SMYD5: variants seen among roughly 807,000 people sequenced by gnomAD.
SMYD5 encodes SMYD family member 5.
Under a neutral mutation model 57.4 loss-of-function variants are expected in SMYD5, and 35 were observed. The ratio of observed to expected loss-of-function variants is 0.61; its 90% CI spans 0.47 to 0.81. The LOEUF is 0.81. SMYD5 is among the 30% of genes least tolerant of loss of function. SMYD5 has a pLI of 0.00. For missense variants in SMYD5, 471 were observed against 527.9 expected, an observed-to-expected ratio of 0.89 and a Z score of 1.06; for synonymous variants, 198 against 189.7, an observed-to-expected ratio of 1.04 and a Z score of -0.36.
At chr2:73,214,468 C>G (rs1686253388) in intron 1 of SMYD5, 106 bp downstream of exon 1, 1 of 1,562,696 alleles carries the variant, frequency 6.4e-7, no homozygotes, top group Non-Finnish European at 8.6e-7. Context: ...GCCGCTCGGA[C>G]GCTACGGCCC....
intron 9 of SMYD5, 50 bp from the exon 10 acceptor site, chr2:73,223,896 TC>T: frequency 1.3e-6 from 2 of 1,569,292 alleles, no homozygotes; most frequent in Non-Finnish European, 1.8e-6. Flanking sequence ...CGTTTCCTTT[TC>T]CTGCCTTTAA....
chr2:73,214,629 T>C, intron 1 of SMYD5: 2 of 1,504,166 alleles, frequency 1.3e-6, no homozygotes, highest in South Asian at 1.2e-5. Context: ...CTGTGGCTGC[T>C]CGGGGCGGGG....
chr2:73,217,950 A>G (rs1686319159), intron 1 of SMYD5, among the ~76,000 whole-genome samples: 1 of 152,160 alleles, frequency 6.6e-6, no homozygotes. Flanking sequence ...TGATGTATAT[A>G]GTGTTTTAGA....
At chr2:73,224,377 C>T (rs552571765) in intron 10 of SMYD5, among the ~76,000 whole-genome samples, 1 of 152,226 alleles carries the variant, frequency 6.6e-6, no homozygotes, top group African/African-American at 2.4e-5. Flanking sequence ...TCATCAGCAC[C>T]TGATGAGAAG....
At chr2:73,216,956 TTC>T (rs1459810739) in intron 1 of SMYD5, among the ~76,000 whole-genome samples, 3 of 135,886 alleles carry the variant, frequency 2.2e-5, no homozygotes, top group African/African-American at 8.6e-5. Flanking sequence ...CTCTCCAACC[TTC>T]TTTTTTTTTT....
rs749998987 is a variant in SMYD5 at position 73,222,778 on chromosome 2, A to G, written c.666A>G (p.Arg222=). 6.2e-7 allele frequency: 1 copy of G among 1,613,156 alleles called. No individual in the cohort carries two copies. The highest frequency in any genetic ancestry group is 1.1e-5 in the South Asian group (1 of 90,862). The change falls in exon 7 of 13, where the codon AGA becomes AGG. Residue 222 remains arginine (R), a synonymous_variant. Transcript: ENST00000389501. ...AGGGCCAACTGGAACTTCTGCGGAG[A>G]CTCTTCACAGAGGCCCTCTATGAGG... is the stretch of plus-strand genomic sequence containing the variant. ...KFKGQLELLR[R]LFTEALYEEA...
chr2:73,223,541 GAT>G lies in SMYD5; in HGVS notation c.883+11_883+12del, dbSNP rs1686440169. On this transcript the variant is annotated intron_variant, in intron 9 of 12. Transcript: ENST00000389501. ...CAAGGACATCGAGGCAGGTTGGTGAGATAGGGCCTTGGCCTCACCCAGCCATG... is the reference window on the plus strand; with the variant it reads ...CAAGGACATCGAGGCAGGTTGGTGAGAGGGCCTTGGCCTCACCCAGCCATG... 3 of 1,597,084 alleles carry G rather than the reference GAT, an allele frequency of 1.9e-6. No homozygotes were observed. The East Asian group carries it at 6.7e-5, about 36-fold the overall frequency.
chr2:73,218,587 C>G (rs1387770760), intron 1 of SMYD5, among the ~76,000 whole-genome samples: 2 of 152,250 alleles, frequency 1.3e-5, no homozygotes, highest in Admixed American at 6.5e-5. Flanking sequence ...AAAATTCTCT[C>G]AGTAATCTGA....
rs1017598629 is a variant in SMYD5 at position 73,227,211 on chromosome 2, G to A, written c.*1265G>A. The stretch of plus-strand genomic sequence containing the variant: ...CCCTGCCCACTGTTCTCAATAAAAT[G>A]TGAGTGGTGAGAGGCCTCTGCAGGA... On this transcript the variant is annotated 3_prime_UTR_variant, in exon 13 of 13. Coordinates refer to ENST00000389501, the MANE Select transcript of SMYD5 (RefSeq NM_006062.3). 1.3e-5 allele frequency: 2 copies of A among 152,644 alleles called. No individual in the cohort carries two copies. The highest frequency in any genetic ancestry group is 1.5e-5 in the Non-Finnish European group (1 of 68,268). 9.5% of individuals were successfully genotyped at this position (152,644 alleles called of 1,614,324 possible). A position where few individuals can be genotyped will look rare whatever the true frequency, so the allele number is the denominator to read the frequency against.
intron 1 of SMYD5, among the ~76,000 whole-genome samples, chr2:73,216,661 C>T (rs774900178): frequency 3.3e-5 from 5 of 152,184 alleles, no homozygotes; most frequent in Non-Finnish European, 7.3e-5. Flanking sequence ...TGCTACTGCA[C>T]TCCAGCCTGG....
chr2:73,224,727 A>C (rs111903710), intron 10 of SMYD5, 139 bp from the exon 11 acceptor site: 1 of 623,924 alleles, frequency 1.6e-6, no homozygotes. Context: ...CACTGGATGC[A>C]GAGTCCAGAA....
chr2:73,223,928 G>T lies in SMYD5; in HGVS notation c.884-19G>T, dbSNP rs370403819. On this transcript the variant is annotated intron_variant, in intron 9 of 12. Coordinates refer to ENST00000389501, the MANE Select transcript of SMYD5 (RefSeq NM_006062.3). ...TTTAAAAATGGGTAGAATAATGTGT[G>T]TGTATTACTGTCTTACAGCAACTGG... 4.5e-5 allele frequency: 72 copies of T among 1,610,988 alleles called. No individual in the cohort carries two copies. Among genetic ancestry groups the T allele is most frequent in the Non-Finnish European group, 5.7e-5 (67 of 1,177,188 alleles).
chr2:73,214,787 G>A (rs1373927849), intron 1 of SMYD5: 1 of 1,311,632 alleles, frequency 7.6e-7, no homozygotes, highest in Non-Finnish European at 1.0e-6. Flanking sequence ...TCCTTCACGA[G>A]GGTCCTTGGA....
In SMYD5 at chr2:73,214,298, T is replaced by A; in HGVS notation, c.32T>A (p.Phe11Tyr). The change falls in exon 1 of 13, where the codon TTC becomes TAC. Residue 11 changes from phenylalanine (F) to tyrosine (Y), a missense_variant. By Grantham distance (22) the Phe-to-Tyr change is conservative. Transcript: ENST00000389501. The part of the protein sequence containing the change: MAASMCDVFS[F>Y]CVGVAGRARV... ...GCCTCCATGTGCGACGTGTTCTCCT[T>A]CTGCGTGGGCGTGGCGGGCCGCGCG... The A allele has an allele frequency of 6.2e-7, 1 of 1,613,426 alleles. No individual in the cohort carries two copies. Among genetic ancestry groups the A allele is most frequent in the African/African-American group, 1.3e-5 (1 of 74,980 alleles).
chr2:73,218,811 CTA>C lies in SMYD5; in HGVS notation c.97-48_97-47del, dbSNP rs764510692. Reference sequence around the variant, plus strand: ...GACAGCCTCCTGGAAGCTCTCGGAGCTATGTCTTCTGTTCCTTTTTATGGCCA... The same window carrying C: ...GACAGCCTCCTGGAAGCTCTCGGAGCTGTCTTCTGTTCCTTTTTATGGCCA... On this transcript the variant is annotated intron_variant, in intron 1 of 12. Transcript: ENST00000389501. The C allele has an allele frequency of 3.2e-5, 45 of 1,387,212 alleles. No homozygotes were observed. The Admixed American group carries it at 7.6e-4, about 23-fold the overall frequency. The allele number at this position is 1,387,212 out of a possible 1,614,324, so 85.9% of individuals were successfully genotyped here.
rs1686497395 is a variant in SMYD5 at position 73,226,064 on chromosome 2, C to T, written c.*118C>T. On this transcript the variant is annotated 3_prime_UTR_variant, in exon 13 of 13. Transcript: ENST00000389501. ...CCATTGCCTGCTTTCCCCATTCCAGCCCTCTCTGCTAGAGGGTAGGAGAGA... is the reference window on the plus strand; with the variant it reads ...CCATTGCCTGCTTTCCCCATTCCAGTCCTCTCTGCTAGAGGGTAGGAGAGA... 7.3e-7 allele frequency: 1 copy of T among 1,366,264 alleles called. No individual in the cohort carries two copies. 84.6% of individuals were successfully genotyped at this position (1,366,264 alleles called of 1,614,324 possible).
intron 3 of SMYD5, 23 bp from the exon 4 acceptor site, chr2:73,220,638 C>G: frequency 6.2e-7 from 1 of 1,613,744 alleles, no homozygotes; most frequent in Non-Finnish European, 8.5e-7. Flanking sequence ...TCCTTGGGTA[C>G]TGACCTCTAT....
At chr2:73,224,070 A>C in intron 10 of SMYD5, 67 bp downstream of exon 10, 1 of 1,458,706 alleles carries the variant, frequency 6.9e-7, no homozygotes, top group Non-Finnish European at 9.6e-7. Context: ...CCTTGCAGCC[A>C]CAGTTTATCT....
chr2:73,223,052 G>C lies in SMYD5; in HGVS notation c.722G>C (p.Gly241Ala). 6.2e-7 allele frequency: 1 copy of C among 1,614,170 alleles called. No individual in the cohort carries two copies. Among genetic ancestry groups the C allele is most frequent in the East Asian group, 2.2e-5 (1 of 44,888 alleles). Residue 241 changes from glycine to alanine, a missense_variant, in exon 8 of 13, where the codon GGA (glycine) becomes GCA (alanine). Physicochemically the swap from Gly to Ala is moderately conservative, Grantham distance 60. Coordinates refer to ENST00000389501, the MANE Select transcript of SMYD5 (RefSeq NM_006062.3). ...EAVSQWFTPD[G>A]FRSLFALVGT... The stretch of plus-strand genomic sequence containing the variant: ...CCCCCACAGTGGTTCACTCCAGATG[G>C]ATTCCGGTCTCTCTTTGCTCTTGTT...
Sources: gnomAD v4.1 joint callset for allele counts (sites outside exome capture counted in the v4.1 genomes callset) on GRCh38, gnomAD v4.1.1 for gene constraint, MANE v1.5 for transcripts, NCBI Gene and HGNC (gene_info 2026-07-23, HGNC 2026-07-21) for gene names.